Variants in SUMF1 observed in about 807,000 individuals in gnomAD.
The protein encoded by SUMF1 is sulfatase modifying factor 1, also known as formylglycine-generating enzyme.
SUMF1 carries 48 observed loss-of-function variants against 47.6 expected under a neutral mutation model. The ratio of observed to expected loss-of-function variants is 1.01; its 90% confidence interval spans 0.80 to 1.28. The LOEUF is 1.28. Among genes scored for constraint, SUMF1 ranks in the 50% most tolerant of loss-of-function variants. The pLI is 0.00. For missense variants in SUMF1, 571 were observed against 485.4 expected (o/e 1.18, Z -1.66); for synonymous variants, 230 against 192.1 (o/e 1.20, Z -1.63).
At chr3:4,171,528 A>AT (rs756019477) in intron 8 of SUMF1, among the ~76,000 whole-genome samples, 1 of 152,114 alleles carries the variant, frequency 6.6e-6, no homozygotes, top group African/African-American at 2.4e-5. Flanking sequence ...ATAAATTAAT[A>AT]TTTTTTATTG....
intron 1 of SUMF1, among the ~76,000 whole-genome samples, chr3:4,456,719 TATATATACGTGTGTATATATACAC>T (rs2079627214): frequency 7.4e-6 from 1 of 134,344 alleles, no homozygotes; most frequent in Non-Finnish European, 1.6e-5. Context: ...TATATATACA[TATATATACGTGTGTATATATACAC>T]ACATATATAC....
chr3:4,440,753 G>T (rs139598826), intron 3 of SUMF1, among the ~76,000 whole-genome samples: 1 of 152,162 alleles, frequency 6.6e-6, no homozygotes, highest in Non-Finnish European at 1.5e-5. Context: ...CCTCTCATTT[G>T]TCAAGGATAC....
chr3:4,222,185 T>C (rs115674200), intron 8 of SUMF1, among the ~76,000 whole-genome samples: 3,326 of 152,216 alleles, frequency 0.022, 120 homozygotes, highest in African/African-American at 0.075. Context: ...TACTCCATTT[T>C]TTCTTTTAGG....
chr3:4,054,803 T>C (rs1313297036), intron 9 of SUMF1, among the ~76,000 whole-genome samples: 1 of 152,164 alleles, frequency 6.6e-6, no homozygotes, highest in Non-Finnish European at 1.5e-5. Flanking sequence ...GAGCTGTTAA[T>C]TTGCACCAGC....
chr3:4,357,560 C>G (rs1380153311), downstream of SUMF1, among the ~76,000 whole-genome samples: 1 of 151,056 alleles, frequency 6.6e-6, no homozygotes, highest in Non-Finnish European at 1.5e-5. Flanking sequence ...CCCCACCACA[C>G]CCCTGCCCCA....
intron 7 of SUMF1, among the ~76,000 whole-genome samples, chr3:4,389,332 GT>G (rs58961505): frequency 0.088 from 12,246 of 139,764 alleles, 1,299 homozygotes; most frequent in African/African-American, 0.26. Context: ...CATTCAAATT[GT>G]TTTTTTTTTT....
chr3:4,132,689 G>C (rs1027627859), intron 8 of SUMF1, among the ~76,000 whole-genome samples: 1 of 152,104 alleles, frequency 6.6e-6, no homozygotes, highest in Non-Finnish European at 1.5e-5. Context: ...TAAACTGGAA[G>C]TTAAGATTGC....
At chr3:4,262,442 A>G (rs1033750931) in intron 8 of SUMF1, among the ~76,000 whole-genome samples, 11 of 152,140 alleles carry the variant, frequency 7.2e-5, no homozygotes, top group Non-Finnish European at 2.9e-5. Context: ...AACAACAACA[A>G]AAAAGACAAT....
intron 8 of SUMF1, among the ~76,000 whole-genome samples, chr3:4,184,791 G>A (rs1695167348): frequency 6.6e-6 from 1 of 151,818 alleles, no homozygotes; most frequent in Admixed American, 6.6e-5. Context: ...TGGGATTACA[G>A]GCACCTGCCA....
At chr3:4,224,158 T>C (rs1696126355) in intron 8 of SUMF1, among the ~76,000 whole-genome samples, 1 of 152,102 alleles carries the variant, frequency 6.6e-6, no homozygotes. Context: ...ATGATTCCTA[T>C]GAGCAGAGCC....
intron 8 of SUMF1, among the ~76,000 whole-genome samples, chr3:4,372,248 C>A (rs1700191914): frequency 6.6e-6 from 1 of 152,082 alleles, no homozygotes; most frequent in Non-Finnish European, 1.5e-5. Context: ...TTGCAGTGAG[C>A]CTAGATCATG....
intron 8 of SUMF1, among the ~76,000 whole-genome samples, chr3:4,216,655 TCAAA>T (rs1695931473): frequency 6.6e-6 from 1 of 151,790 alleles, no homozygotes; most frequent in Non-Finnish European, 1.5e-5. Flanking sequence ...TACAAAGAAC[TCAAA>T]CAAATTTACA....
chr3:4,114,678 A>T (rs1009154441), intron 8 of SUMF1, among the ~76,000 whole-genome samples: 12 of 152,102 alleles, frequency 7.9e-5, no homozygotes, highest in Non-Finnish European at 1.5e-4. Context: ...GCTAAACTGG[A>T]GGTGATGGGA....
intron 8 of SUMF1, among the ~76,000 whole-genome samples, chr3:4,175,120 G>T (rs1472678634): frequency 6.6e-6 from 1 of 152,196 alleles, no homozygotes; most frequent in Non-Finnish European, 1.5e-5. Context: ...CTGAACAAAA[G>T]AAAGCAGACA....
At chr3:4,376,653 A>C (rs1700339801) in intron 7 of SUMF1, among the ~76,000 whole-genome samples, 2 of 152,210 alleles carry the variant, frequency 1.3e-5, no homozygotes, top group Admixed American at 1.3e-4. Flanking sequence ...CCTGTCTCTA[A>C]GTCCCTACAG....
chr3:4,441,998 C>A (rs1389112309), intron 3 of SUMF1, among the ~76,000 whole-genome samples: 15 of 152,156 alleles, frequency 9.9e-5, no homozygotes, highest in Admixed American at 9.2e-4. Flanking sequence ...AGAAAAACCG[C>A]CAACGGCCAT....
At chr3:4,048,730 A>G (rs1273089726) in intron 9 of SUMF1, among the ~76,000 whole-genome samples, 1 of 152,222 alleles carries the variant, frequency 6.6e-6, no homozygotes, top group Non-Finnish European at 1.5e-5. Context: ...TGGACCTTAT[A>G]CAAGTATATT....
chr3:4,337,362 G>A (rs1220483518), intron 8 of SUMF1, among the ~76,000 whole-genome samples: 1 of 151,898 alleles, frequency 6.6e-6, no homozygotes, highest in Non-Finnish European at 1.5e-5. Context: ...GCAGCCAGCT[G>A]CCCAGCCTCA....
chr3:4,315,317 T>C (rs191329592), intron 8 of SUMF1, among the ~76,000 whole-genome samples: 178 of 152,334 alleles, frequency 1.2e-3, no homozygotes, highest in South Asian at 2.3e-3. Context: ...TGGAAGTGGT[T>C]AGAAGGAAAA....
Sources: gnomAD v4.1 joint callset for allele counts (sites outside exome capture counted in the v4.1 genomes callset) on GRCh38, gnomAD v4.1.1 for gene constraint, MANE v1.5 for transcripts, NCBI Gene and HGNC (gene_info 2026-07-23, HGNC 2026-07-21) for gene names.